ZBTB11: variants seen among roughly 807,000 people sequenced by gnomAD.
ZBTB11 encodes the protein zinc finger and BTB domain-containing protein 11.
Under a neutral mutation model 113.1 loss-of-function variants are expected in ZBTB11, and 68 were observed. The observed-to-expected ratio is 0.60, with a 90% CI of 0.49 to 0.74. The LOEUF (loss-of-function observed/expected upper bound fraction) is 0.74, where lower values mean the gene tolerates loss of function less well. Among genes scored for constraint, ZBTB11 ranks in the 30% least tolerant of loss-of-function variants. ZBTB11 has a pLI of 0.00. For missense variants in ZBTB11, 1,104 were observed against 1,279.4 expected (o/e 0.86, Z 2.09); for synonymous variants, 518 against 452.6 (o/e 1.14, Z -1.83).
chr3:101,668,133 G>C (rs576491353), intron 3 of ZBTB11, among the ~76,000 whole-genome samples: 6 of 103,426 alleles, frequency 5.8e-5, no homozygotes. Context: ...TCACTCATAT[G>C]GGGGAGCTAA....
chr3:101,660,104 C>T lies in ZBTB11; in HGVS notation c.1801-76G>A. ...AACTGAAACTCAACTCATATTTGGA[C>T]TTTGTTTTTGTTACAATTATATAAA... On this transcript the variant is annotated intron_variant, in intron 5 of 10. Transcript: ENST00000312938. 6 of 1,447,866 alleles carry T rather than the reference C, an allele frequency of 4.1e-6. No individual in the cohort carries two copies. In the South Asian group the frequency reaches 7.7e-5, roughly 19 times the overall value. 89.7% of individuals were successfully genotyped at this position (1,447,866 alleles called of 1,614,324 possible).
At chr3:101,676,271 G>C (rs1364868982) in intron 1 of ZBTB11, among the ~76,000 whole-genome samples, 1 of 131,580 alleles carries the variant, frequency 7.6e-6, no homozygotes, top group Non-Finnish European at 1.7e-5. Context: ...GCCACCTCCA[G>C]AGGGCCGGGG....
intron 5 of ZBTB11, 36 bp downstream of exon 5, chr3:101,664,502 T>G: frequency 6.4e-7 from 1 of 1,569,514 alleles, no homozygotes. Flanking sequence ...ATATTATGAA[T>G]TAGAGTTACC....
chr3:101,665,097 C>T lies in ZBTB11; in HGVS notation c.1490G>A (p.Gly497Asp), dbSNP rs745684352. Residue 497 changes from glycine (G) to aspartate (D), a missense_variant, in exon 4 of 11, where the codon GGC becomes GAC. By Grantham distance (94) the Gly-to-Asp change is moderately conservative (BLOSUM62 -1). Transcript: ENST00000312938. The part of the protein sequence containing the change: ...LVASTAKTDF[G>D]PDDDTYRSRL... The stretch of plus-strand genomic sequence containing the variant: ...GCTTCTATAAGTATCATCATCAGGG[C>T]CAAAGTCTGTCTTTGCTGTTGATGC... The T allele has an allele frequency of 7.4e-6, 12 of 1,614,058 alleles. No homozygotes were observed. The highest frequency in any genetic ancestry group is 1.0e-5 in the Non-Finnish European group (12 of 1,180,010).
In ZBTB11 at chr3:101,671,158, G is replaced by A. The variant is rs752090697; in HGVS notation, c.750C>T (p.Ser250=). ...RDLFIEKGAV[S]SHEAVVDLSG... is the part of the protein sequence containing the mutation. ...AAAGATCCACCACAGCCTCATGACT[G>A]GAAACAGCTCCTTTCTCAATAAAAA... is the stretch of plus-strand genomic sequence containing the variant. The change falls in exon 3 of 11, where the codon TCC becomes TCT. Residue 250 remains serine, a synonymous_variant. Transcript: ENST00000312938. The A allele has an allele frequency of 2.5e-6, 4 of 1,613,992 alleles. No homozygotes were observed. The highest frequency in any genetic ancestry group is 2.7e-5 in the African/African-American group (2 of 74,914).
At chr3:101,667,866 T>C (rs1290092520) in intron 3 of ZBTB11, among the ~76,000 whole-genome samples, 1 of 152,092 alleles carries the variant, frequency 6.6e-6, no homozygotes, top group African/African-American at 2.4e-5. Flanking sequence ...CTACTGGGTA[T>C]CTACCCAAAG....
chr3:101,672,463 A>C (rs2108327969), intron 1 of ZBTB11, among the ~76,000 whole-genome samples: 1 of 152,364 alleles, frequency 6.6e-6, no homozygotes, highest in South Asian at 2.1e-4. Flanking sequence ...TCATAAGATG[A>C]CTATATAGCT....
rs1429017068 is a variant in ZBTB11, at chr3:101,649,367, AAATT to A, written c.*1795_*1798del. The A allele has an allele frequency of 2.6e-5, 4 of 152,258 alleles. No homozygotes were observed. The highest frequency in any genetic ancestry group is 4.8e-5 in the African/African-American group (2 of 41,470). The allele number at this position is 152,258 out of a possible 1,614,324, so 9.4% of individuals were successfully genotyped here. A position where few individuals can be genotyped will look rare whatever the true frequency, so the allele number is the denominator to read the frequency against. On this transcript the variant is annotated 3_prime_UTR_variant, in exon 11 of 11. Transcript: ENST00000312938. ...TTTTATTTCCTTTCCCTTTAAAAAT[AAATT>A]AACTTAATAACACATCAAGTAACAA...
In ZBTB11 at chr3:101,671,316, G is replaced by A; in HGVS notation, c.592C>T (p.Gln198Ter). 1 of 1,614,144 alleles carries A rather than the reference G, an allele frequency of 6.2e-7. No individual in the cohort carries two copies. Among genetic ancestry groups the A allele is most frequent in the Non-Finnish European group, 8.5e-7 (1 of 1,180,018 alleles). ...VVKRSSPKHCQAVLKQLNEQR... is the reference protein window; with the variant it reads ...VVKRSSPKHC Reference sequence around the variant, plus strand: ...TCGTTCAGCTGTTTTAAGACAGCCTGACAATGTTTTGGAGAAGAACGTTTT... The same window carrying A: ...TCGTTCAGCTGTTTTAAGACAGCCTAACAATGTTTTGGAGAAGAACGTTTT... Residue 198 changes from glutamine to a stop codon, truncating the protein, a stop_gained, in exon 3 of 11, where the codon CAG becomes TAG. Coordinates refer to ENST00000312938, the MANE Select transcript of ZBTB11 (RefSeq NM_014415.4). LOFTEE classifies it high-confidence loss of function.
chr3:101,675,084 G>A (rs1937141945), intron 1 of ZBTB11, among the ~76,000 whole-genome samples: 1 of 152,208 alleles, frequency 6.6e-6, no homozygotes, highest in African/African-American at 2.4e-5. Context: ...AGGGAGATAA[G>A]TATTAAGGTT....
chr3:101,668,232 GTTGA>G (rs1559987403), intron 3 of ZBTB11, among the ~76,000 whole-genome samples: 2 of 152,056 alleles, frequency 1.3e-5, no homozygotes, highest in South Asian at 2.1e-4. Context: ...ATAGGAGGAG[GTTGA>G]TTAATAGATA....
intron 1 of ZBTB11, among the ~76,000 whole-genome samples, chr3:101,672,791 G>T (rs1937103510): frequency 6.6e-6 from 1 of 152,220 alleles, no homozygotes; most frequent in Non-Finnish European, 1.5e-5. Context: ...CATTAGGCTT[G>T]ACCGTGTGAT....
intron 6 of ZBTB11, 112 bp downstream of exon 6, chr3:101,659,671 T>C (rs1282321152): frequency 5.9e-6 from 8 of 1,362,222 alleles, no homozygotes; most frequent in African/African-American, 5.8e-5. Context: ...TAAATTTACC[T>C]GACATTTTAC....
intron 5 of ZBTB11, 93 bp from the exon 6 acceptor site, chr3:101,660,121 T>C: frequency 7.9e-7 from 1 of 1,273,370 alleles, no homozygotes; most frequent in Non-Finnish European, 1.1e-6. Flanking sequence ...TTTGTTACAA[T>C]TATATAAATC....
intron 3 of ZBTB11, among the ~76,000 whole-genome samples, chr3:101,669,175 G>C (rs1206747396): frequency 6.6e-6 from 1 of 152,144 alleles, no homozygotes; most frequent in Non-Finnish European, 1.5e-5. Context: ...TGGGACTACA[G>C]GCATGTGACA....
intron 5 of ZBTB11, among the ~76,000 whole-genome samples, 179 bp downstream of exon 5, chr3:101,664,359 T>C (rs1455480927): frequency 6.6e-6 from 1 of 152,238 alleles, no homozygotes; most frequent in Non-Finnish European, 1.5e-5. Context: ...GAAGCAGAGA[T>C]AAGGCTAAGT....
chr3:101,671,344 C>G lies in ZBTB11; in HGVS notation c.564G>C (p.Val188=), dbSNP rs780111273. The G allele has an allele frequency of 6.2e-7, 1 of 1,614,092 alleles. No individual in the cohort carries two copies. Among genetic ancestry groups the G allele is most frequent in the Non-Finnish European group, 8.5e-7 (1 of 1,179,986 alleles). ...HELVFVDTKG[V]VKRSSPKHCQ... ...AATGTTTTGGAGAAGAACGTTTTAC[C>G]ACTCCTTTGGTGTCAACCTGTCAAA... Residue 188 remains valine, a synonymous_variant, in exon 3 of 11, where the codon GTG becomes GTC. Transcript: ENST00000312938.
In ZBTB11 at chr3:101,652,914, A is replaced by G. The variant is rs1281890459; in HGVS notation, c.2334T>C (p.Ala778=). The G allele has an allele frequency of 6.2e-7, 1 of 1,612,138 alleles. No homozygotes were observed. The highest frequency in any genetic ancestry group is 8.5e-7 in the Non-Finnish European group (1 of 1,179,514). Residue 778 remains alanine (A), a synonymous_variant, in exon 9 of 11, where the codon GCT becomes GCC. Coordinates refer to ENST00000312938, the MANE Select transcript of ZBTB11 (RefSeq NM_014415.4). ...CTQCEKSFFE[A]RDLRQHMNKH... is the part of the protein sequence containing the mutation. The stretch of plus-strand genomic sequence containing the variant: ...TGTTCATGTGCTGGCGAAGATCTCT[A>G]GCTTCAAAGAAACTTTTTTCACATC...
intron 6 of ZBTB11, among the ~76,000 whole-genome samples, chr3:101,659,082 T>G (rs560009576): frequency 2.6e-5 from 4 of 152,020 alleles, no homozygotes; most frequent in African/African-American, 7.2e-5. Context: ...CCACAAAATT[T>G]AAAAAAATTA....
Sources: allele counts gnomAD v4.1 joint callset (sites outside exome capture counted in the v4.1 genomes callset), GRCh38; gene constraint gnomAD v4.1.1; transcripts MANE v1.5; gene names NCBI Gene and HGNC (gene_info 2026-07-23, HGNC 2026-07-21).